DDX60: variants seen among roughly 807,000 people sequenced by gnomAD.
DDX60 encodes the protein probable ATP-dependent RNA helicase DDX60.
Under a neutral mutation model 212.8 loss-of-function variants are expected in DDX60, and 165 were observed. The ratio of observed to expected loss-of-function variants is 0.78; its 90% CI spans 0.68 to 0.88. The LOEUF (loss-of-function observed/expected upper bound fraction) is 0.88. DDX60 is among the 40% of genes least tolerant of loss of function. DDX60 has a pLI of 0.00. For missense variants in DDX60, 1,905 were observed against 2,003.9 expected (o/e 0.95, Z 0.94); for synonymous variants, 703 against 685.3 (o/e 1.03, Z -0.40).
intron 1 of DDX60, among the ~76,000 whole-genome samples, chr4:168,317,057 C>CAAAA (rs34647800): frequency 1.0e-4 from 5 of 49,714 alleles, no homozygotes; most frequent in African/African-American, 2.9e-4. Flanking sequence ...GACTCCGTCT[C>CAAAA]AAAAAAAAAA....
Position 168,275,987 on chromosome 4 carries a change from T to C in DDX60, c.2145+28A>G, listed in dbSNP as rs920282265. 8.3e-6 allele frequency: 13 copies of C among 1,560,914 alleles called. No homozygotes were observed. The African/African-American group carries it at 1.8e-4, about 21-fold the overall frequency. ...TATGTATACCTAATAATTACCCTGTTGAAATTGAGCTATTCTGATAATATT... is the reference window on the plus strand; with the variant it reads ...TATGTATACCTAATAATTACCCTGTCGAAATTGAGCTATTCTGATAATATT... On this transcript the variant is annotated intron_variant, in intron 15 of 37. Coordinates refer to ENST00000393743, the MANE Select transcript of DDX60 (RefSeq NM_017631.6).
chr4:168,298,264 G>A (rs1336234113), intron 6 of DDX60, among the ~76,000 whole-genome samples: 2 of 151,902 alleles, frequency 1.3e-5, no homozygotes, highest in Non-Finnish European at 1.5e-5. Context: ...AAGACCAAAC[G>A]TATCAGTCAT....
rs1175789087 is a variant in DDX60 at position 168,252,738 on chromosome 4, G to T, written c.3558-82C>A. On this transcript the variant is annotated intron_variant, in intron 26 of 37. Transcript: ENST00000393743. ...TAATTTGATTTGGCCACCAGAGGAT[G>T]CCCAAGACTTCCCAAGTCAGTCTTC... 4.6e-6 allele frequency: 5 copies of T among 1,081,460 alleles called. No homozygotes were observed. In the African/African-American group the frequency reaches 6.5e-5, roughly 14 times the overall value. The allele number at this position is 1,081,460 out of a possible 1,614,324, so 67.0% of individuals were successfully genotyped here.
chr4:168,256,573 A>T (rs999696693), intron 25 of DDX60, among the ~76,000 whole-genome samples: 4 of 152,188 alleles, frequency 2.6e-5, no homozygotes, highest in African/African-American at 9.7e-5. Context: ...GCTGCAGATC[A>T]AATTCTCCTG....
intron 13 of DDX60, among the ~76,000 whole-genome samples, chr4:168,283,218 C>T (rs1230443426): frequency 6.6e-6 from 1 of 152,042 alleles, no homozygotes; most frequent in South Asian, 2.1e-4. Flanking sequence ...AATTATTCTT[C>T]AAAGAGATAC....
intron 12 of DDX60, among the ~76,000 whole-genome samples, chr4:168,284,397 G>A (rs1372039336): frequency 2.0e-5 from 3 of 152,200 alleles, no homozygotes; most frequent in Middle Eastern, 3.2e-3. Flanking sequence ...TCCACTGTTA[G>A]TGGTTTCATG....
chr4:168,283,391 A>G lies in DDX60; in HGVS notation c.1722+55T>C. 3 of 1,519,074 alleles carry G rather than the reference A, an allele frequency of 2.0e-6. No homozygotes were observed. The East Asian group carries it at 6.8e-5, about 34-fold the overall frequency. 94.1% of individuals were successfully genotyped at this position (1,519,074 alleles called of 1,614,324 possible). On this transcript the variant is annotated intron_variant, in intron 13 of 37. Transcript: ENST00000393743. ...ACCACCAAAGGGATAACACATATCA[A>G]CCTGATAAAAGAAAAGGAAAATTTT...
At chr4:168,285,566 T>C in intron 10 of DDX60, 68 bp from the exon 11 acceptor site, 1 of 925,070 alleles carries the variant, frequency 1.1e-6, no homozygotes, top group East Asian at 2.6e-5. Context: ...ATATTACATA[T>C]TATTTTCTAA....
At chr4:168,245,004 C>A (rs1432083543) in intron 30 of DDX60, among the ~76,000 whole-genome samples, 1 of 152,140 alleles carries the variant, frequency 6.6e-6, no homozygotes, top group Non-Finnish European at 1.5e-5. Flanking sequence ...ATCTCTTCTT[C>A]ATTTAAAAAA....
rs140612817 is a variant in DDX60, at chr4:168,256,602, G to A, written c.3399-733C>T. 2.0e-5 allele frequency among the ~76,000 whole-genome samples: 3 copies of A among 152,234 alleles called. No homozygotes were observed. The East Asian group carries it at 5.8e-4, about 29-fold the overall frequency. Reference sequence around the variant, plus strand: ...TCTCCTGATACATGAAAAGTAAAATGTTTCTAGAGGAAGTAAAGGCAAACA... The same window carrying A: ...TCTCCTGATACATGAAAAGTAAAATATTTCTAGAGGAAGTAAAGGCAAACA... On this transcript the variant is annotated intron_variant, in intron 25 of 37. Coordinates refer to ENST00000393743, the MANE Select transcript of DDX60 (RefSeq NM_017631.6).
chr4:168,234,900 G>A (rs1158101203), intron 33 of DDX60, among the ~76,000 whole-genome samples: 3 of 152,060 alleles, frequency 2.0e-5, no homozygotes, highest in Admixed American at 1.3e-4. Context: ...GTTTTAGTAA[G>A]CCTCATTTAT....
intron 35 of DDX60, among the ~76,000 whole-genome samples, chr4:168,223,575 CCAA>C (rs1284778310): frequency 1.3e-5 from 2 of 151,842 alleles, no homozygotes; most frequent in African/African-American, 4.8e-5. Flanking sequence ...TTTTAACACA[CCAA>C]CATTTATTTG....
intron 30 of DDX60, among the ~76,000 whole-genome samples, chr4:168,242,034 C>G (rs1305628585): frequency 1.3e-5 from 2 of 152,212 alleles, no homozygotes; most frequent in Non-Finnish European, 2.9e-5. Context: ...ACAGCTCAGG[C>G]TATTGTTTCA....
intron 19 of DDX60, among the ~76,000 whole-genome samples, chr4:168,270,875 C>CTTTTTTTTTT (rs759054592): frequency 2.5e-4 from 28 of 110,874 alleles, no homozygotes; most frequent in Non-Finnish European, 3.6e-4. Flanking sequence ...TTCTTTCTTT[C>CTTTTTTTTTT]TTTTTTTTTT....
chr4:168,275,504 C>A lies in DDX60; in HGVS notation c.2146-1G>T. ...TCACTTTTACATCATTTTCTGCATCCTGCATTATTTTAAAAGTCCATTTTG... is the reference window on the plus strand; with the variant it reads ...TCACTTTTACATCATTTTCTGCATCATGCATTATTTTAAAAGTCCATTTTG... On this transcript the variant is annotated splice_acceptor_variant, in intron 15 of 37. Transcript: ENST00000393743. LOFTEE classifies it high-confidence loss of function. 1.3e-6 allele frequency: 2 copies of A among 1,591,064 alleles called. No homozygotes were observed. Among genetic ancestry groups the A allele is most frequent in the Non-Finnish European group, 8.6e-7 (1 of 1,169,562 alleles).
upstream of DDX60, among the ~76,000 whole-genome samples, chr4:168,320,848 G>C (rs1221177198): frequency 6.6e-6 from 1 of 152,160 alleles, no homozygotes; most frequent in Non-Finnish European, 1.5e-5. Flanking sequence ...GGATAAAACA[G>C]CTAATAAATT....
chr4:168,224,478 C>T (rs1733179698), intron 34 of DDX60, 93 bp from the exon 35 acceptor site: 1 of 1,249,068 alleles, frequency 8.0e-7, no homozygotes, highest in Non-Finnish European at 1.1e-6. Flanking sequence ...ACAAGGGGAG[C>T]CATTCAGCTT....
In DDX60 at chr4:168,283,559, C is replaced by G; in HGVS notation, c.1609G>C (p.Val537Leu). 6.2e-7 allele frequency: 1 copy of G among 1,613,256 alleles called. No homozygotes were observed. The highest frequency in any genetic ancestry group is 2.2e-5 in the East Asian group (1 of 44,774). ...RVLRSVQKYH[V>L]FQRFYGNSLE... ...GAATTCCCATAAAACCGTTGGAAAACATGATACTTTTGCACAGATCTAAGA... is the reference window on the plus strand; with the variant it reads ...GAATTCCCATAAAACCGTTGGAAAAGATGATACTTTTGCACAGATCTAAGA... The change falls in exon 13 of 38, where the codon GTT (valine) becomes CTT (leucine). Residue 537 changes from valine (V) to leucine (L), a missense_variant. Transcript: ENST00000393743.
At chr4:168,277,808 C>CAAAAAAAAAAAAAGA (rs1462440038) in intron 14 of DDX60, among the ~76,000 whole-genome samples, 1 of 55,620 alleles carries the variant, frequency 1.8e-5, no homozygotes, top group Admixed American at 2.0e-4. Flanking sequence ...GACTCCATCT[C>CAAAAAAAAAAAAAGA]AAAAAAAAAA....
Sources: gnomAD v4.1 joint callset for allele counts (sites outside exome capture counted in the v4.1 genomes callset) on GRCh38, gnomAD v4.1.1 for gene constraint, MANE v1.5 for transcripts, NCBI Gene and HGNC (gene_info 2026-07-23, HGNC 2026-07-21) for gene names.